MCU: variants seen among roughly 807,000 people sequenced by gnomAD.
The protein encoded by MCU is mitochondrial calcium uniporter, also known as calcium uniporter protein, mitochondrial.
In MCU, 12 loss-of-function variants were observed where a neutral mutation model predicts 45.2. The ratio of observed to expected loss-of-function variants is 0.27; its 90% CI spans 0.17 to 0.43. The LOEUF (loss-of-function observed/expected upper bound fraction) is 0.43. MCU is among the 20% of genes least tolerant of loss of function. The pLI is 1.00. For missense variants in MCU, 324 were observed against 436.7 expected (o/e 0.74, Z 2.30); for synonymous variants, 160 against 165.1 (o/e 0.97, Z 0.24).
chr10:72,873,382 A>G (rs1213295824), intron 6 of MCU, among the ~76,000 whole-genome samples: 9 of 152,050 alleles, frequency 5.9e-5, no homozygotes, highest in Non-Finnish European at 1.3e-4. Flanking sequence ...TCATATACCT[A>G]TTAGTCATTT....
At chr10:72,705,500 G>C (rs1172147112) in intron 1 of MCU, among the ~76,000 whole-genome samples, 1 of 151,922 alleles carries the variant, frequency 6.6e-6, no homozygotes, top group African/African-American at 2.4e-5. Context: ...TGGAAAACAT[G>C]GTAAAACCCT....
intron 1 of MCU, among the ~76,000 whole-genome samples, chr10:72,814,395 A>G (rs2132806897): frequency 1.3e-5 from 2 of 152,124 alleles, no homozygotes; most frequent in South Asian, 4.2e-4. Context: ...TTTTTTTTTA[A>G]TATATCTTTC....
intron 1 of MCU, chr10:72,692,899 G>C (rs546066870): frequency 6.7e-7 from 1 of 1,485,448 alleles, no homozygotes; most frequent in African/African-American, 1.4e-5. Context: ...GTGTGCATGG[G>C]GAACCGGCTC....
At chr10:72,762,120 C>T (rs1843664979) in intron 1 of MCU, among the ~76,000 whole-genome samples, 1 of 152,028 alleles carries the variant, frequency 6.6e-6, no homozygotes, top group Non-Finnish European at 1.5e-5. Flanking sequence ...TTTTATAACC[C>T]TCTAAAATCA....
chr10:72,788,836 C>T (rs1383916429), intron 1 of MCU, among the ~76,000 whole-genome samples: 1 of 152,146 alleles, frequency 6.6e-6, no homozygotes, highest in Non-Finnish European at 1.5e-5. Context: ...CTTGCTAGTC[C>T]ATAGCAAACC....
intron 7 of MCU, among the ~76,000 whole-genome samples, chr10:72,885,285 G>T (rs529057711): frequency 7.9e-5 from 12 of 152,214 alleles, no homozygotes; most frequent in African/African-American, 1.4e-4. Flanking sequence ...TGTGAGTTTT[G>T]AAAGTACTAC....
intron 1 of MCU, among the ~76,000 whole-genome samples, chr10:72,696,228 C>T (rs980738394): frequency 1.0e-4 from 13 of 124,212 alleles, no homozygotes; most frequent in Non-Finnish European, 1.9e-4. Flanking sequence ...GGTATTTCTA[C>T]CAGGCTGGTC....
At chr10:72,820,123 A>C (rs1049815984) in intron 1 of MCU, among the ~76,000 whole-genome samples, 3 of 152,194 alleles carry the variant, frequency 2.0e-5, no homozygotes, top group African/African-American at 7.2e-5. Flanking sequence ...ATATCCGTTT[A>C]CATTTCTGCC....
intron 1 of MCU, among the ~76,000 whole-genome samples, chr10:72,820,879 A>G (rs1844701537): frequency 6.6e-6 from 1 of 150,764 alleles, no homozygotes; most frequent in Non-Finnish European, 1.5e-5. Context: ...GTTATTCCCT[A>G]CTACTTTCCA....
At chr10:72,882,014 G>A (rs1432306330) in intron 6 of MCU, among the ~76,000 whole-genome samples, 1 of 152,226 alleles carries the variant, frequency 6.6e-6, no homozygotes, top group Admixed American at 6.5e-5. Flanking sequence ...AACGTGGATT[G>A]TGAAGATTTC....
chr10:72,732,136 C>T (rs1366655958), intron 1 of MCU, among the ~76,000 whole-genome samples: 6 of 152,076 alleles, frequency 3.9e-5, no homozygotes, highest in South Asian at 2.1e-4. Flanking sequence ...TTATTTTAGC[C>T]GTCCTACTGG....
chr10:72,868,322 G>T (rs539345217), intron 4 of MCU, among the ~76,000 whole-genome samples: 70 of 152,126 alleles, frequency 4.6e-4, no homozygotes, highest in Non-Finnish European at 8.1e-4. Flanking sequence ...GCCAAGGCAG[G>T]CAGATCGCTT....
intron 1 of MCU, among the ~76,000 whole-genome samples, chr10:72,824,972 C>T (rs1844774674): frequency 6.6e-6 from 1 of 152,066 alleles, no homozygotes; most frequent in African/African-American, 2.4e-5. Flanking sequence ...TTTAGGCTTA[C>T]CTGAGAAAAA....
At chr10:72,851,776 A>G (rs900424832) in intron 2 of MCU, among the ~76,000 whole-genome samples, 2 of 152,154 alleles carry the variant, frequency 1.3e-5, no homozygotes, top group African/African-American at 4.8e-5. Context: ...GCCTCCTCCC[A>G]TCTTCCTAAC....
intron 1 of MCU, among the ~76,000 whole-genome samples, chr10:72,738,374 T>C (rs550251429): frequency 6.6e-6 from 1 of 152,338 alleles, no homozygotes; most frequent in South Asian, 2.1e-4. Flanking sequence ...TGGATTTAGC[T>C]TTTAGATTGA....
intron 6 of MCU, among the ~76,000 whole-genome samples, chr10:72,877,572 T>C (rs7076201): frequency 0.04 from 6,061 of 152,176 alleles, 385 homozygotes; most frequent in African/African-American, 0.13. Context: ...AATCAATCAG[T>C]CCTTCCACCA....
rs938614885 is a variant in MCU, at chr10:72,884,247, C to T, written c.862-19C>T. 1.3e-5 allele frequency: 19 copies of T among 1,414,430 alleles called. No homozygotes were observed. The highest frequency in any genetic ancestry group is 4.2e-5 in the African/African-American group (3 of 70,664). 87.6% of individuals were successfully genotyped at this position (1,414,430 alleles called of 1,614,324 possible). A position where few individuals can be genotyped will look rare whatever the true frequency, so the allele number is the denominator to read the frequency against. Reference sequence around the variant, plus strand: ...ATAGTATGCTAAGGACTGATAATTCCGTTTCTTCATTTTTTTAGGAATATG... The same window carrying T: ...ATAGTATGCTAAGGACTGATAATTCTGTTTCTTCATTTTTTTAGGAATATG... On this transcript the variant is annotated intron_variant, in intron 6 of 7. Transcript: ENST00000373053.
chr10:72,880,977 A>T (rs185859777), intron 6 of MCU, among the ~76,000 whole-genome samples: 3 of 152,278 alleles, frequency 2.0e-5, no homozygotes, highest in Admixed American at 6.5e-5. Flanking sequence ...AAATTTTTTT[A>T]AATTAGTTGA....
chr10:72,843,414 C>A (rs1317184826), intron 2 of MCU, among the ~76,000 whole-genome samples: 2 of 152,098 alleles, frequency 1.3e-5, no homozygotes, highest in South Asian at 2.1e-4. Flanking sequence ...CAGCATGTAG[C>A]CTTTTCTGAT....
Sources: gnomAD v4.1 joint callset for allele counts (sites outside exome capture counted in the v4.1 genomes callset) on GRCh38, gnomAD v4.1.1 for gene constraint, MANE v1.5 for transcripts, NCBI Gene and HGNC (gene_info 2026-07-23, HGNC 2026-07-21) for gene names.